Variants in NDUFA5 observed in about 807,000 individuals in gnomAD.
NDUFA5 encodes NADH dehydrogenase [ubiquinone] 1 alpha subcomplex subunit 5.
In NDUFA5, 11 loss-of-function variants were observed where a neutral mutation model predicts 19.8. That is an observed-to-expected ratio of 0.56 (90% confidence interval 0.35 to 0.92). NDUFA5 has a LOEUF of 0.92. NDUFA5 is among the 40% of genes least tolerant of loss of function. The pLI is 0.01. For synonymous variants in NDUFA5, 47 were observed against 46.8 expected (o/e 1.00, Z -0.01); for missense variants, 109 against 134.2 (o/e 0.81, Z 0.93).
chr7:123,557,269 G>A, intron 2 of NDUFA5, 135 bp downstream of exon 2: 1 of 1,243,386 alleles, frequency 8.0e-7, no homozygotes, highest in East Asian at 2.5e-5. Context: ...GACAGCGCCC[G>A]TGTCTCAAGA....
upstream of NDUFA5, among the ~76,000 whole-genome samples, chr7:123,562,850 T>A (rs1584709911): frequency 6.7e-6 from 1 of 150,068 alleles, no homozygotes; most frequent in African/African-American, 2.5e-5. Context: ...CAGGCTGGAG[T>A]GCAGCAGCAC....
intron 4 of NDUFA5, among the ~76,000 whole-genome samples, chr7:123,543,236 G>C (rs557252355): frequency 1.1e-4 from 17 of 152,192 alleles, no homozygotes; most frequent in African/African-American, 4.1e-4. Context: ...TGGGTCTCAC[G>C]AACATCCAAT....
chr7:123,572,245 G>A, the NDUFA5 span, among the ~76,000 whole-genome samples: 3 of 140,186 alleles, frequency 2.1e-5, no homozygotes, highest in Admixed American at 7.8e-5. Context: ...GGGTTCAAGC[G>A]ATTCTCTTGC....
At chr7:123,591,739 G>C in the NDUFA5 span, among the ~76,000 whole-genome samples, 1 of 152,162 alleles carries the variant, frequency 6.6e-6, no homozygotes, top group Admixed American at 6.6e-5. Flanking sequence ...ATGTTCATCA[G>C]GGATATTGGC....
At chr7:123,575,060 CTTTT>C in the NDUFA5 span, among the ~76,000 whole-genome samples, 3 of 133,668 alleles carry the variant, frequency 2.2e-5, no homozygotes, top group South Asian at 7.0e-4. Flanking sequence ...GGTATGTTTC[CTTTT>C]TTTTTTTTTT....
At chr7:123,577,822 A>C in the NDUFA5 span, among the ~76,000 whole-genome samples, 1 of 152,138 alleles carries the variant, frequency 6.6e-6, no homozygotes, top group Non-Finnish European at 1.5e-5. Flanking sequence ...AAGACATTCT[A>C]GACATCATGT....
intron 4 of NDUFA5, 90 bp from the exon 5 acceptor site, chr7:123,542,310 C>G (rs1797970885): frequency 8.0e-6 from 7 of 870,100 alleles, no homozygotes. Flanking sequence ...TTAGTTACTA[C>G]TTTCATTTAA....
the NDUFA5 span, chr7:123,584,908 T>G: frequency 6.6e-6 from 1 of 151,948 alleles, no homozygotes; most frequent in Non-Finnish European, 1.5e-5. Flanking sequence ...ATTGAACATA[T>G]TTGTCAAAAT....
the NDUFA5 span, among the ~76,000 whole-genome samples, chr7:123,583,112 C>G: frequency 6.6e-6 from 1 of 151,834 alleles, no homozygotes; most frequent in East Asian, 1.9e-4. Context: ...CATTGTAGAC[C>G]TAGGTGCAGT....
chr7:123,575,488 A>G, the NDUFA5 span, among the ~76,000 whole-genome samples: 1 of 152,064 alleles, frequency 6.6e-6, no homozygotes, highest in Non-Finnish European at 1.5e-5. Context: ...TAATTGTATC[A>G]CTTCTGTATT....
the NDUFA5 span, among the ~76,000 whole-genome samples, chr7:123,569,912 A>C: frequency 6.6e-6 from 1 of 152,160 alleles, no homozygotes; most frequent in Non-Finnish European, 1.5e-5. Flanking sequence ...TTAGACAATT[A>C]GAAGTTAGAA....
In NDUFA5 at chr7:123,540,889, T is replaced by TGCGCGCGCGCGCGCGCGC. The variant is rs142574797; in HGVS notation, c.*1229_*1230insGCGCGCGCGCGCGCGCGC. 1.4e-4 allele frequency: 16 copies of TGCGCGCGCGCGCGCGCGC among 110,414 alleles called. No individual in the cohort carries two copies. Among genetic ancestry groups the TGCGCGCGCGCGCGCGCGC allele is most frequent in the African/African-American group, 5.3e-4 (15 of 28,436 alleles). 6.8% of individuals were successfully genotyped at this position (110,414 alleles called of 1,614,324 possible). ...TTCTGAGCAAATGTGCGCATGCGCG[T>TGCGCGCGCGCGCGCGCGC]GCACACACACACACACACACACACA... On this transcript the variant is annotated 3_prime_UTR_variant, in exon 5 of 5. Coordinates refer to ENST00000355749, the MANE Select transcript of NDUFA5 (RefSeq NM_005000.5).
chr7:123,558,003 C>T (rs1798629379), upstream of NDUFA5: 1 of 753,524 alleles, frequency 1.3e-6, no homozygotes, highest in South Asian at 1.8e-5. Context: ...TAAAGCTAAG[C>T]TAGAAGACGA....
the NDUFA5 span, among the ~76,000 whole-genome samples, chr7:123,564,943 AAG>A: frequency 2.6e-5 from 4 of 151,600 alleles, no homozygotes; most frequent in African/African-American, 9.7e-5. Context: ...ATACACACAC[AAG>A]TACATATAAA....
At chr7:123,557,240 C>T in intron 2 of NDUFA5, 164 bp downstream of exon 2, 1 of 934,764 alleles carries the variant, frequency 1.1e-6, no homozygotes, top group Non-Finnish European at 1.7e-6. Flanking sequence ...AATGTGACAT[C>T]GGATCAACGA....
At chr7:123,590,283 C>T in the NDUFA5 span, among the ~76,000 whole-genome samples, 2 of 152,176 alleles carry the variant, frequency 1.3e-5, no homozygotes, top group South Asian at 4.1e-4. Context: ...CCCATTCACT[C>T]TGATGATAGT....
the NDUFA5 span, among the ~76,000 whole-genome samples, chr7:123,599,094 C>T: frequency 6.6e-6 from 1 of 151,732 alleles, no homozygotes; most frequent in African/African-American, 2.4e-5. Context: ...AATCACTGAC[C>T]CCAAGGCCAA....
Position 123,541,394 on chromosome 7 carries a change from CTTTCT to C in NDUFA5, c.*720_*724del, listed in dbSNP as rs1298934930. ...CAATAACCTGTATGCAATGGGAAAT[CTTTCT>C]TTTAAGTACCAAGTCAATTTCTTTA... On this transcript the variant is annotated 3_prime_UTR_variant, in exon 5 of 5. Coordinates refer to ENST00000355749, the MANE Select transcript of NDUFA5 (RefSeq NM_005000.5). 2 of 152,196 alleles carry C rather than the reference CTTTCT, an allele frequency of 1.3e-5. No homozygotes were observed. Among genetic ancestry groups the C allele is most frequent in the South Asian group, 2.1e-4 (1 of 4,836 alleles). 9.4% of individuals were successfully genotyped at this position (152,196 alleles called of 1,614,324 possible).
At chr7:123,563,425 C>A in the NDUFA5 span, among the ~76,000 whole-genome samples, 7 of 152,110 alleles carry the variant, frequency 4.6e-5, no homozygotes, top group Non-Finnish European at 1.0e-4. Context: ...GTCGGTGGAG[C>A]AACCAGAACA....
Sources: allele counts gnomAD v4.1 joint callset (sites outside exome capture counted in the v4.1 genomes callset), GRCh38; gene constraint gnomAD v4.1.1; transcripts MANE v1.5; gene names NCBI Gene and HGNC (gene_info 2026-07-23, HGNC 2026-07-21).